Variants in ACTR3C observed in about 807,000 individuals in gnomAD.
The protein encoded by ACTR3C is actin-related protein 3C.
Under a neutral mutation model 26.3 loss-of-function variants are expected in ACTR3C, and 18 were observed. The observed-to-expected ratio is 0.68, with a 90% CI of 0.47 to 1.01. The LOEUF is 1.01. ACTR3C is among the 50% of genes least tolerant of loss of function. The pLI is 0.00. For missense variants in ACTR3C, 184 were observed against 250.7 expected (o/e 0.73, Z 1.80); for synonymous variants, 55 against 94.5 (o/e 0.58, Z 2.42).
chr7:150,297,559 G>C (rs1795011187), intron 1 of ACTR3C, among the ~76,000 whole-genome samples: 1 of 152,212 alleles, frequency 6.6e-6, no homozygotes, highest in Admixed American at 6.5e-5. Context: ...TAGGAATAAA[G>C]ACTTTTCTTT....
At chr7:150,008,816 A>G in the ACTR3C span, among the ~76,000 whole-genome samples, 1 of 151,322 alleles carries the variant, frequency 6.6e-6, no homozygotes, top group Admixed American at 6.6e-5. Context: ...AGATGAAGGA[A>G]GTAACTAGCA....
At chr7:149,968,396 G>A in the ACTR3C span, among the ~76,000 whole-genome samples, 6 of 152,200 alleles carry the variant, frequency 3.9e-5, no homozygotes, top group African/African-American at 9.7e-5. Flanking sequence ...AGCCAGGCGC[G>A]GTGGCGGGCG....
the ACTR3C span, among the ~76,000 whole-genome samples, chr7:149,948,186 G>T: frequency 9.4e-6 from 1 of 105,934 alleles, no homozygotes; most frequent in African/African-American, 5.9e-5. Flanking sequence ...AATAGCACGT[G>T]TCTTTTAATG....
At chr7:150,196,270 A>G in the ACTR3C span, among the ~76,000 whole-genome samples, 1 of 152,232 alleles carries the variant, frequency 6.6e-6, no homozygotes, top group South Asian at 2.1e-4. Context: ...ACATTGTACC[A>G]TAACTCATGG....
the ACTR3C span, among the ~76,000 whole-genome samples, chr7:149,914,574 T>C: frequency 1.6e-5 from 2 of 125,480 alleles, no homozygotes; most frequent in Non-Finnish European, 3.4e-5. Flanking sequence ...CAAAAATAAA[T>C]AAATAAATAA....
the ACTR3C span, among the ~76,000 whole-genome samples, chr7:149,936,356 C>T: frequency 3.2e-4 from 48 of 152,204 alleles, no homozygotes; most frequent in Non-Finnish European, 1.6e-4. Context: ...CATCCTCTCA[C>T]GGCCATGTGT....
At chr7:150,162,745 C>G in the ACTR3C span, among the ~76,000 whole-genome samples, 2 of 152,168 alleles carry the variant, frequency 1.3e-5, no homozygotes, top group African/African-American at 4.8e-5. Context: ...CATCACCTTT[C>G]CCTGACAATA....
the ACTR3C span, among the ~76,000 whole-genome samples, chr7:150,035,528 G>C: frequency 4.7e-4 from 61 of 129,274 alleles, no homozygotes; most frequent in African/African-American, 1.7e-3. Context: ...CTCTCGTGGG[G>C]GGTGCCTCCC....
chr7:150,049,437 GCCT>G, the ACTR3C span, among the ~76,000 whole-genome samples: 1 of 152,338 alleles, frequency 6.6e-6, no homozygotes, highest in East Asian at 1.9e-4. Flanking sequence ...CCATTCCGCC[GCCT>G]CCTTCCACAT....
downstream of ACTR3C, among the ~76,000 whole-genome samples, chr7:150,239,892 C>G (rs1377367048): frequency 6.6e-6 from 1 of 151,978 alleles, no homozygotes; most frequent in Non-Finnish European, 1.5e-5. Flanking sequence ...GCTGAGACCA[C>G]AGGCAGGCAC....
chr7:150,038,689 AC>A, the ACTR3C span, among the ~76,000 whole-genome samples: 1 of 144,140 alleles, frequency 6.9e-6, no homozygotes, highest in South Asian at 2.1e-4. Context: ...TTCTACTTGG[AC>A]ACCTAACACC....
At chr7:150,092,289 T>C in the ACTR3C span, among the ~76,000 whole-genome samples, 56 of 146,826 alleles carry the variant, frequency 3.8e-4, 1 homozygote, top group Non-Finnish European at 7.3e-4. Flanking sequence ...GTAAGAAATA[T>C]CTTGTAGTGG....
the ACTR3C span, among the ~76,000 whole-genome samples, chr7:150,224,607 T>A: frequency 6.6e-6 from 1 of 152,198 alleles, no homozygotes; most frequent in African/African-American, 2.4e-5. Flanking sequence ...AATTCTGAAA[T>A]CCAGCCAGGC....
At chr7:149,974,474 T>A in the ACTR3C span, among the ~76,000 whole-genome samples, 18 of 152,206 alleles carry the variant, frequency 1.2e-4, no homozygotes, top group Non-Finnish European at 7.3e-5. Context: ...TGGTTCTCTT[T>A]CCAGTGTGAT....
the ACTR3C span, among the ~76,000 whole-genome samples, chr7:150,219,081 C>A: frequency 6.6e-6 from 1 of 151,388 alleles, no homozygotes; most frequent in Non-Finnish European, 1.5e-5. Context: ...AACCTTAAAT[C>A]CTCATCTTAC....
the ACTR3C span, among the ~76,000 whole-genome samples, chr7:150,035,330 C>G: frequency 7.9e-5 from 4 of 50,742 alleles, 1 homozygote; most frequent in African/African-American, 1.9e-4. Flanking sequence ...CAGCCAGGGG[C>G]GGAAGAGGGG....
the ACTR3C span, among the ~76,000 whole-genome samples, chr7:149,889,048 A>G: frequency 6.6e-6 from 1 of 152,018 alleles, no homozygotes; most frequent in Admixed American, 6.5e-5. Context: ...TTAAAAAAAA[A>G]CCATTGTTAA....
intron 6 of ACTR3C, among the ~76,000 whole-genome samples, chr7:150,268,016 A>C (rs1834174251): frequency 6.6e-6 from 1 of 152,244 alleles, no homozygotes; most frequent in South Asian, 2.1e-4. Flanking sequence ...ACAGAGCAAC[A>C]GAAGACAAAG....
chr7:150,141,859 G>A, the ACTR3C span, among the ~76,000 whole-genome samples: 4,611 of 151,992 alleles, frequency 0.03, 227 homozygotes, highest in African/African-American at 0.1. Flanking sequence ...GTGTTCGCAG[G>A]TGCTGAGCTG....
Sources: allele counts gnomAD v4.1 joint callset (sites outside exome capture counted in the v4.1 genomes callset), GRCh38; gene constraint gnomAD v4.1.1; transcripts MANE v1.5; gene names NCBI Gene and HGNC (gene_info 2026-07-23, HGNC 2026-07-21).